The following ZBTB7C variants were observed in gnomAD, a reference collection of about 807,000 sequenced individuals.
ZBTB7C encodes zinc finger and BTB domain-containing protein 7C.
Under a neutral mutation model 25.7 loss-of-function variants are expected in ZBTB7C, and 8 were observed. The observed-to-expected ratio is 0.31, with a 90% CI of 0.18 to 0.56. ZBTB7C has a LOEUF of 0.56. Ranked by LOEUF, ZBTB7C falls within the 20% of genes least tolerant of loss-of-function variation. The pLI is 0.91. For missense variants in ZBTB7C, 824 were observed against 855.2 expected (o/e 0.96, Z 0.46); for synonymous variants, 394 against 369.0 (o/e 1.07, Z -0.78).
At chr18:48,055,230 T>G (rs1383981818) in intron 3 of ZBTB7C, among the ~76,000 whole-genome samples, 1 of 150,994 alleles carries the variant, frequency 6.6e-6, no homozygotes, top group Non-Finnish European at 1.5e-5. Flanking sequence ...GCCATCATGG[T>G]GAAACCCCAT....
intron 1 of ZBTB7C, chr18:48,364,300 G>A (rs1479230951): frequency 3.9e-5 from 6 of 152,334 alleles, no homozygotes; most frequent in Admixed American, 3.3e-4. Flanking sequence ...AGCGAGCAAA[G>A]GAACGGTGGG....
At chr18:48,284,727 G>A (rs977556718) in intron 2 of ZBTB7C, among the ~76,000 whole-genome samples, 3 of 147,924 alleles carry the variant, frequency 2.0e-5, no homozygotes, top group African/African-American at 7.5e-5. Flanking sequence ...GGAGGCAGAG[G>A]TTGCAGTGAG....
At chr18:48,278,926 T>C (rs2044748621) in intron 2 of ZBTB7C, among the ~76,000 whole-genome samples, 1 of 151,754 alleles carries the variant, frequency 6.6e-6, no homozygotes, top group South Asian at 2.1e-4. Context: ...GATTTTTCTG[T>C]GTTGTTTTGC....
intron 3 of ZBTB7C, among the ~76,000 whole-genome samples, chr18:48,181,243 G>C (rs1479196348): frequency 6.6e-6 from 1 of 152,130 alleles, no homozygotes; most frequent in Non-Finnish European, 1.5e-5. Context: ...AGCTAATGCT[G>C]TTCATATGAA....
chr18:48,343,841 C>T (rs749022200), intron 1 of ZBTB7C, among the ~76,000 whole-genome samples: 1 of 152,202 alleles, frequency 6.6e-6, no homozygotes, highest in South Asian at 2.1e-4. Flanking sequence ...CTGCCTGCCA[C>T]CTGCAGATTG....
intron 3 of ZBTB7C, among the ~76,000 whole-genome samples, chr18:48,078,522 G>T (rs1201700082): frequency 6.6e-6 from 1 of 152,224 alleles, no homozygotes; most frequent in Non-Finnish European, 1.5e-5. Context: ...AGCAGGCCCA[G>T]CATAAGAAGA....
intron 2 of ZBTB7C, among the ~76,000 whole-genome samples, chr18:48,330,164 GCT>G (rs1485918008): frequency 2.6e-5 from 4 of 152,334 alleles, no homozygotes; most frequent in Non-Finnish European, 2.9e-5. Flanking sequence ...AGGGAGCTAA[GCT>G]CTGTCTAGGG....
intron 3 of ZBTB7C, among the ~76,000 whole-genome samples, chr18:48,073,377 C>T (rs1441395561): frequency 2.0e-5 from 3 of 152,036 alleles, no homozygotes; most frequent in Non-Finnish European, 2.9e-5. Flanking sequence ...CGAGCAGAGC[C>T]GCTGCCACCA....
At chr18:48,242,731 C>T (rs2043562871) in intron 2 of ZBTB7C, among the ~76,000 whole-genome samples, 1 of 152,108 alleles carries the variant, frequency 6.6e-6, no homozygotes, top group Non-Finnish European at 1.5e-5. Flanking sequence ...GACAAACGCA[C>T]AGCCAATATT....
At chr18:48,099,183 T>C (rs2038745382) in intron 3 of ZBTB7C, among the ~76,000 whole-genome samples, 1 of 152,186 alleles carries the variant, frequency 6.6e-6, no homozygotes, top group African/African-American at 2.4e-5. Flanking sequence ...TTGCCAGGAA[T>C]AAGTGAGTGC....
At chr18:48,262,667 T>C (rs1369376432) in intron 2 of ZBTB7C, among the ~76,000 whole-genome samples, 1 of 152,140 alleles carries the variant, frequency 6.6e-6, no homozygotes, top group Non-Finnish European at 1.5e-5. Flanking sequence ...CTGTGTGACA[T>C]ACCCAACAGA....
chr18:48,191,191 G>C (rs556822254), intron 2 of ZBTB7C, among the ~76,000 whole-genome samples: 5 of 152,306 alleles, frequency 3.3e-5, no homozygotes, highest in Admixed American at 2.0e-4. Flanking sequence ...CTTCCAGCAG[G>C]TGGAAGATGA....
In ZBTB7C at chr18:48,228,745, T is replaced by TCACACACA. The variant is rs1375739209; in HGVS notation, c.-78-42751_-78-42750insTGTGTGTG. On this transcript the variant is annotated intron_variant, in intron 2 of 4. Coordinates refer to ENST00000590800, the MANE Select transcript of ZBTB7C (RefSeq NM_001318841.2). ...CTCTCTCTCTCTGTCTCTCTCTCTC[T>TCACACACA]CTCACACACACACACACACACACAC... Among the ~76,000 whole-genome samples the TCACACACA allele has an allele frequency of 9.5e-3, 1,292 of 136,716 alleles. 6 individuals carry two copies. The highest frequency in any genetic ancestry group is 0.014 in the Non-Finnish European group (923 of 64,594). The allele number at this position is 136,716 out of a possible 152,430, so 89.7% of individuals were successfully genotyped here. A position where few individuals can be genotyped will look rare whatever the true frequency, so the allele number is the denominator to read the frequency against.
At chr18:48,388,868 G>C (rs2047812767) in intron 1 of ZBTB7C, among the ~76,000 whole-genome samples, 1 of 152,222 alleles carries the variant, frequency 6.6e-6, no homozygotes, top group African/African-American at 2.4e-5. Context: ...ATGGATAGTT[G>C]ATTGATCTAG....
chr18:48,197,837 A>T (rs1423491928), intron 2 of ZBTB7C, among the ~76,000 whole-genome samples: 1 of 152,180 alleles, frequency 6.6e-6, no homozygotes, highest in Non-Finnish European at 1.5e-5. Context: ...GGGCTTCAAC[A>T]TAAGAATTAT....
At chr18:48,327,255 T>A (rs1286209955) in intron 2 of ZBTB7C, among the ~76,000 whole-genome samples, 1 of 152,146 alleles carries the variant, frequency 6.6e-6, no homozygotes, top group African/African-American at 2.4e-5. Context: ...TATGCCCACG[T>A]CTGCTCCATG....
At chr18:48,400,256 G>T (rs2048126281) in intron 1 of ZBTB7C, among the ~76,000 whole-genome samples, 1 of 152,142 alleles carries the variant, frequency 6.6e-6, no homozygotes. Flanking sequence ...GGTCCTCTCT[G>T]TTCCCCACAC....
intron 3 of ZBTB7C, among the ~76,000 whole-genome samples, chr18:48,101,289 C>A (rs546392348): frequency 1.3e-4 from 20 of 152,320 alleles, no homozygotes; most frequent in African/African-American, 3.8e-4. Flanking sequence ...TGATCCAGAC[C>A]AGTACCATCC....
At chr18:48,260,278 C>T (rs1346346729) in intron 2 of ZBTB7C, among the ~76,000 whole-genome samples, 1 of 152,142 alleles carries the variant, frequency 6.6e-6, no homozygotes, top group Non-Finnish European at 1.5e-5. Flanking sequence ...ATATAAAATT[C>T]TAGAAAATGT....
Sources: gnomAD v4.1 joint callset for allele counts (sites outside exome capture counted in the v4.1 genomes callset) on GRCh38, gnomAD v4.1.1 for gene constraint, MANE v1.5 for transcripts, NCBI Gene and HGNC (gene_info 2026-07-23, HGNC 2026-07-21) for gene names.